Variants in TENM4 observed in about 807,000 individuals in gnomAD.
TENM4 encodes the protein teneurin-4.
Under a neutral mutation model 243.3 loss-of-function variants are expected in TENM4, and 82 were observed. The observed-to-expected ratio is 0.34, with a 90% CI of 0.28 to 0.40. The LOEUF (loss-of-function observed/expected upper bound fraction) is 0.40. TENM4 is among the 10% of genes least tolerant of loss of function. The pLI is 1.00. For synonymous variants in TENM4, 1,412 were observed against 1,456.3 expected (o/e 0.97, Z 0.69); for missense variants, 3,138 against 3,673.3 (o/e 0.85, Z 3.77).
chr11:79,307,518 C>T (rs947301812), intron 1 of TENM4, among the ~76,000 whole-genome samples: 1 of 152,108 alleles, frequency 6.6e-6, no homozygotes, highest in African/African-American at 2.4e-5. Flanking sequence ...TTTCTACTAC[C>T]CTATTCAAGC....
At chr11:78,936,301 G>A (rs1856781961) in intron 6 of TENM4, among the ~76,000 whole-genome samples, 1 of 152,110 alleles carries the variant, frequency 6.6e-6, no homozygotes, top group South Asian at 2.1e-4. Context: ...TTATAAAATG[G>A]GAGCAATATC....
chr11:79,141,677 G>A (rs1347599369), intron 4 of TENM4, among the ~76,000 whole-genome samples: 5 of 151,998 alleles, frequency 3.3e-5, no homozygotes, highest in Non-Finnish European at 7.4e-5. Flanking sequence ...GCCAGACAAA[G>A]ATGCATCAAA....
At chr11:79,116,406 C>T (rs1435544592) in intron 4 of TENM4, among the ~76,000 whole-genome samples, 1 of 152,182 alleles carries the variant, frequency 6.6e-6, no homozygotes, top group Non-Finnish European at 1.5e-5. Flanking sequence ...GCTTGTTTAA[C>T]CACTGACAGA....
intron 2 of TENM4, among the ~76,000 whole-genome samples, chr11:79,271,414 A>T (rs1855966825): frequency 6.6e-6 from 1 of 152,158 alleles, no homozygotes; most frequent in South Asian, 2.1e-4. Flanking sequence ...TTTTCATACC[A>T]ATCTGGAGTG....
intron 3 of TENM4, among the ~76,000 whole-genome samples, chr11:79,159,651 A>C (rs925772551): frequency 2.0e-5 from 3 of 152,134 alleles, no homozygotes; most frequent in African/African-American, 4.8e-5. Flanking sequence ...CCAGATGTTG[A>C]GCCTCTAGGT....
intron 3 of TENM4, among the ~76,000 whole-genome samples, chr11:79,180,800 G>A (rs79502462): frequency 0.028 from 4,169 of 151,136 alleles, 235 homozygotes; most frequent in African/African-American, 0.096. Flanking sequence ...ACAACAGAGT[G>A]AGACCACATC....
chr11:79,351,695 G>A (rs1480791737), intron 1 of TENM4, among the ~76,000 whole-genome samples: 4 of 152,050 alleles, frequency 2.6e-5, no homozygotes, highest in Non-Finnish European at 4.4e-5. Flanking sequence ...GACAGAGTGA[G>A]ACTCCATCTC....
Position 78,658,722 on chromosome 11 carries a change from C to T in TENM4, c.7646G>A (p.Ser2549Asn), listed in dbSNP as rs755619375. 1.9e-6 allele frequency: 3 copies of T among 1,613,888 alleles called. No homozygotes were observed. Among genetic ancestry groups the T allele is most frequent in the South Asian group, 2.2e-5 (2 of 91,084 alleles). ...FDQLYGSTIT[S>N]CQQAPKTKKF... is the part of the protein sequence containing the mutation. ...CTTGGTCTTTGGAGCCTGCTGGCAG[C>T]TGGTGATTGTGGAGCCATAGAGCTG... Residue 2549 changes from serine (S) to asparagine (N), a missense_variant, in exon 34 of 34, where the codon AGC becomes AAC. Around this residue, in one of 2 missense-constraint regions of TENM4, gnomAD observed 2,467 missense variants for 3,059.1 expected, o/e 0.81. Transcript: ENST00000278550.
At chr11:79,172,027 T>C (rs1863056495) in intron 3 of TENM4, among the ~76,000 whole-genome samples, 1 of 152,178 alleles carries the variant, frequency 6.6e-6, no homozygotes, top group African/African-American at 2.4e-5. Flanking sequence ...TCATAGCGCA[T>C]TATAAATTTG....
At chr11:79,368,436 C>A (rs1857718439) in intron 1 of TENM4, among the ~76,000 whole-genome samples, 2 of 152,184 alleles carry the variant, frequency 1.3e-5, no homozygotes, top group South Asian at 2.1e-4. Context: ...ACAGAGGCCA[C>A]CCTTGGCCAA....
In TENM4 at chr11:79,009,139, C is replaced by T. The variant is rs534184125; in HGVS notation, c.493+55599G>A. 2.0e-5 allele frequency among the ~76,000 whole-genome samples: 3 copies of T among 152,138 alleles called. No homozygotes were observed. In the South Asian group the frequency reaches 6.2e-4, roughly 32 times the overall value. On this transcript the variant is annotated intron_variant, in intron 6 of 33. Transcript: ENST00000278550. ...ATATTTGTTACAAAAATATTTTTACCAATTTGTTATTCCTGGAAAACTTTT... is the reference window on the plus strand; with the variant it reads ...ATATTTGTTACAAAAATATTTTTACTAATTTGTTATTCCTGGAAAACTTTT...
At chr11:78,862,758 C>A (rs1405675806) in intron 10 of TENM4, among the ~76,000 whole-genome samples, 3 of 152,156 alleles carry the variant, frequency 2.0e-5, no homozygotes, top group East Asian at 3.9e-4. Context: ...CCTGAGCCTC[C>A]CACGAACTCT....
rs1026535340 is a variant in TENM4, at chr11:79,162,501, ATCTG to A, written c.-162-13699_-162-13696del. 2.8e-4 allele frequency among the ~76,000 whole-genome samples: 42 copies of A among 148,680 alleles called. 1 individual carries two copies. The highest frequency in any genetic ancestry group is 8.0e-4 in the Admixed American group (12 of 14,952). ...TATTTATTTATTTATTATTATTGTTATCTGTCTGACTCCTCTATGTCTTAATTAA... is the reference window on the plus strand; with the variant it reads ...TATTTATTTATTTATTATTATTGTTATCTGACTCCTCTATGTCTTAATTAA... On this transcript the variant is annotated intron_variant, in intron 3 of 33. Coordinates refer to ENST00000278550, the MANE Select transcript of TENM4 (RefSeq NM_001098816.3).
At position 78,778,613 on chromosome 11, in the gene TENM4, C is replaced by T. The variant is rs78279199; in HGVS notation, c.2381G>A (p.Arg794Lys). Residue 794 changes from arginine (R) to lysine (K), a missense_variant, in exon 17 of 34, where the codon AGG becomes AAG. Around this residue, in one of 2 missense-constraint regions of TENM4, gnomAD observed 2,467 missense variants for 3,059.1 expected, o/e 0.81. Coordinates refer to ENST00000278550, the MANE Select transcript of TENM4 (RefSeq NM_001098816.3). ...EHCTIAHYLD[R>K]VVKEGCPGLC... Reference sequence around the variant, plus strand: ...AAGGAAGACCATACCTTTAACTACCCTATCCAGATAGTGAGCTAGGGAGAT... The same window carrying T: ...AAGGAAGACCATACCTTTAACTACCTTATCCAGATAGTGAGCTAGGGAGAT... 34 of 1,612,224 alleles carry T rather than the reference C, an allele frequency of 2.1e-5. No individual in the cohort carries two copies. Among genetic ancestry groups the T allele is most frequent in the Admixed American group, 5.0e-5 (3 of 59,880 alleles).
At chr11:79,042,153 T>C (rs990885539) in intron 6 of TENM4, among the ~76,000 whole-genome samples, 21 of 152,238 alleles carry the variant, frequency 1.4e-4, no homozygotes, top group African/African-American at 5.1e-4. Flanking sequence ...AAGGGTAGGC[T>C]GACTCTCTTC....
At chr11:79,150,287 G>A (rs547753170) in intron 3 of TENM4, among the ~76,000 whole-genome samples, 14 of 152,174 alleles carry the variant, frequency 9.2e-5, no homozygotes, top group Non-Finnish European at 1.9e-4. Flanking sequence ...CCTCCTGGCA[G>A]ATGTGGCTCT....
chr11:79,403,053 A>C (rs916722965), intron 1 of TENM4, among the ~76,000 whole-genome samples: 22 of 152,370 alleles, frequency 1.4e-4, no homozygotes, highest in African/African-American at 5.3e-4. Flanking sequence ...TCATGATGAC[A>C]AGAGGCAGCT....
At chr11:78,935,201 C>A (rs986348631) in intron 6 of TENM4, among the ~76,000 whole-genome samples, 7 of 151,102 alleles carry the variant, frequency 4.6e-5, no homozygotes, top group Non-Finnish European at 7.4e-5. Flanking sequence ...TTAGTAGAGA[C>A]GGGGTTTCAC....
At chr11:79,089,183 GT>G (rs1860887135) in intron 4 of TENM4, among the ~76,000 whole-genome samples, 1 of 152,208 alleles carries the variant, frequency 6.6e-6, no homozygotes, top group South Asian at 2.1e-4. Flanking sequence ...CAAAGGGAGG[GT>G]TTTAATTGGC....
Sources: allele counts gnomAD v4.1 joint callset (sites outside exome capture counted in the v4.1 genomes callset), GRCh38; gene constraint gnomAD v4.1.1; regional missense constraint gnomAD v4.1.1; transcripts MANE v1.5; gene names NCBI Gene and HGNC (gene_info 2026-07-23, HGNC 2026-07-21).